FER1L6: variants seen among roughly 807,000 people sequenced by gnomAD.
The protein encoded by FER1L6 is fer-1 like family member 6.
A neutral mutation model predicts 219.2 loss-of-function variants in FER1L6; 177 were observed. The ratio of observed to expected loss-of-function variants is 0.81; its 90% CI spans 0.71 to 0.91. The LOEUF (loss-of-function observed/expected upper bound fraction) is 0.91. FER1L6 is among the 40% of genes least tolerant of loss of function. The pLI is 0.00. For synonymous variants in FER1L6, 768 were observed against 824.3 expected, an observed-to-expected ratio of 0.93 and a Z score of 1.17; for missense variants, 2,153 against 2,259.9, an observed-to-expected ratio of 0.95 and a Z score of 0.96.
chr8:123,866,897 A>G (rs1184813738), intron 1 of FER1L6, among the ~76,000 whole-genome samples: 1 of 152,200 alleles, frequency 6.6e-6, no homozygotes, highest in Admixed American at 6.5e-5. Context: ...GGTATTACAG[A>G]CATGAGCTAC....
Position 123,966,006 on chromosome 8 carries a change from G to T in FER1L6, c.198-1G>T. On this transcript the variant is annotated splice_acceptor_variant, in intron 3 of 40. Coordinates refer to ENST00000522917, the MANE Select transcript of FER1L6 (RefSeq NM_001039112.2). LOFTEE classifies it high-confidence loss of function. Reference sequence around the variant, plus strand: ...AAACATATTAAACTTTCTTTTAATAGATCAAAACTGTTGACTAAGATCCAT... The same window carrying T: ...AAACATATTAAACTTTCTTTTAATATATCAAAACTGTTGACTAAGATCCAT... 1 of 1,612,248 alleles carries T rather than the reference G, an allele frequency of 6.2e-7. No individual in the cohort carries two copies. The highest frequency in any genetic ancestry group is 8.5e-7 in the Non-Finnish European group (1 of 1,178,776).
intron 2 of FER1L6, 105 bp downstream of exon 2, chr8:123,956,179 T>A: frequency 9.8e-7 from 1 of 1,023,834 alleles, no homozygotes; most frequent in Admixed American, 2.1e-5. Flanking sequence ...CGAGGGGGAG[T>A]GTGAATGTGC....
intron 1 of FER1L6, among the ~76,000 whole-genome samples, chr8:123,868,285 C>T (rs1290238269): frequency 6.6e-6 from 1 of 151,934 alleles, no homozygotes; most frequent in African/African-American, 2.4e-5. Context: ...TTTAAGAATC[C>T]AAAGGTGGTA....
intron 15 of FER1L6, among the ~76,000 whole-genome samples, chr8:124,015,535 G>T (rs906968629): frequency 4.1e-5 from 5 of 121,142 alleles, no homozygotes; most frequent in African/African-American, 1.5e-4. Context: ...GTAAAGAAAA[G>T]AAATAGTTTT....
chr8:123,955,910 G>T, intron 1 of FER1L6, 82 bp from the exon 2 acceptor site: 2 of 1,294,332 alleles, frequency 1.5e-6, no homozygotes, highest in Non-Finnish European at 2.2e-6. Flanking sequence ...CATGAAGCTC[G>T]GTGTGTTTTT....
intron 16 of FER1L6, among the ~76,000 whole-genome samples, chr8:124,020,091 A>G (rs1818391754): frequency 6.6e-6 from 1 of 152,146 alleles, no homozygotes; most frequent in Non-Finnish European, 1.5e-5. Flanking sequence ...TGTTTTCATG[A>G]TAGTGAATAA....
rs1396498829 is a variant in FER1L6, at chr8:123,980,786, T to C, written c.1385T>C (p.Val462Ala). 6.2e-7 allele frequency: 1 copy of C among 1,613,904 alleles called. No homozygotes were observed. The highest frequency in any genetic ancestry group is 1.1e-5 in the South Asian group (1 of 91,048). Reference protein sequence around the residue: ...SNKTNSTEVEVESFDVPPEIV... With the variant: ...SNKTNSTEVEAESFDVPPEIV... ...AAAACTAACTCAACCGAGGTGGAGG[T>C]GGAATCGTTCGATGTCCCCCCGGAG... The change falls in exon 11 of 41, where the codon GTG (valine) becomes GCG (alanine). Residue 462 changes from valine (V) to alanine (A), a missense_variant. By Grantham distance (64) the Val-to-Ala change is moderately conservative (BLOSUM62 0). Transcript: ENST00000522917.
chr8:124,017,087 A>G (rs1818234328), intron 15 of FER1L6, among the ~76,000 whole-genome samples: 1 of 152,128 alleles, frequency 6.6e-6, no homozygotes, highest in Non-Finnish European at 1.5e-5. Context: ...AGTGAGGGCA[A>G]TATCTTATTT....
intron 1 of FER1L6, among the ~76,000 whole-genome samples, chr8:123,912,070 A>T (rs1016339913): frequency 2.6e-5 from 4 of 152,104 alleles, no homozygotes; most frequent in Non-Finnish European, 5.9e-5. Flanking sequence ...TTGTTTAGCA[A>T]CTTCTGGCAT....
intron 2 of FER1L6, among the ~76,000 whole-genome samples, chr8:123,960,361 C>T (rs193275270): frequency 1.1e-4 from 16 of 152,266 alleles, no homozygotes; most frequent in Non-Finnish European, 2.1e-4. Flanking sequence ...GGAATTTCAA[C>T]AATCTCAACA....
rs773119344 is a variant in FER1L6 at position 124,060,183 on chromosome 8, C to A, written c.2878C>A (p.Pro960Thr). Residue 960 changes from proline to threonine, a missense_variant, in exon 23 of 41, where the codon CCT (proline) becomes ACT (threonine). Transcript: ENST00000522917. ...TCATACTTGCCTTGTGCGGTAGGTT[C>A]CTCCTTCTGGGCTGCAAGGCCTCCC... ...LLAVFELLQV[P>T]PSGLQGLPPV... 1.9e-6 allele frequency: 3 copies of A among 1,613,472 alleles called. No homozygotes were observed. The highest frequency in any genetic ancestry group is 2.5e-6 in the Non-Finnish European group (3 of 1,179,452).
chr8:124,029,405 C>T (rs1268641644), intron 18 of FER1L6, among the ~76,000 whole-genome samples: 1 of 151,998 alleles, frequency 6.6e-6, no homozygotes, highest in African/African-American at 2.4e-5. Context: ...AACAGTGTTC[C>T]TATTTCTCCA....
At chr8:123,936,460 C>CTTTTT (rs1319403886) in intron 1 of FER1L6, among the ~76,000 whole-genome samples, 3 of 88,006 alleles carry the variant, frequency 3.4e-5, no homozygotes, top group African/African-American at 9.8e-5. Context: ...TAATTGCAGC[C>CTTTTT]TGTTTTTTTT....
chr8:124,083,611 G>GA (rs201442038), intron 33 of FER1L6, among the ~76,000 whole-genome samples: 18,779 of 148,780 alleles, frequency 0.13, 1,233 homozygotes, highest in Admixed American at 0.17. Flanking sequence ...AAAAAGACAA[G>GA]AAAAAAAAAA....
chr8:123,910,563 C>T (rs1257752500), intron 1 of FER1L6, among the ~76,000 whole-genome samples: 2 of 152,172 alleles, frequency 1.3e-5, no homozygotes, highest in Non-Finnish European at 2.9e-5. Context: ...ATACTTCATC[C>T]CTCACTTGAG....
At chr8:123,976,578 C>G (rs1235171727) in intron 9 of FER1L6, among the ~76,000 whole-genome samples, 1 of 151,960 alleles carries the variant, frequency 6.6e-6, no homozygotes. Context: ...ACTCACTCTT[C>G]ATTGGAGAAA....
intron 1 of FER1L6, among the ~76,000 whole-genome samples, chr8:123,935,934 G>A (rs1398781598): frequency 7.6e-5 from 10 of 132,084 alleles, no homozygotes; most frequent in Non-Finnish European, 1.4e-4. Flanking sequence ...AAAATCCTGC[G>A]AACTGGCTAA....
intron 32 of FER1L6, among the ~76,000 whole-genome samples, chr8:124,077,339 G>A: frequency 6.6e-6 from 1 of 152,182 alleles, no homozygotes; most frequent in Non-Finnish European, 1.5e-5. Context: ...CATCTTTAGT[G>A]TGTTTAATTT....
intron 39 of FER1L6, among the ~76,000 whole-genome samples, chr8:124,114,910 TATATATATATA>T (rs1187783923): frequency 1.5e-5 from 2 of 130,610 alleles, no homozygotes; most frequent in Non-Finnish European, 3.1e-5. Flanking sequence ...TATATATATA[TATATATATATA>T]TATATATATA....
Sources: allele counts gnomAD v4.1 joint callset (sites outside exome capture counted in the v4.1 genomes callset), GRCh38; gene constraint gnomAD v4.1.1; transcripts MANE v1.5; gene names NCBI Gene and HGNC (gene_info 2026-07-23, HGNC 2026-07-21).